The following ODAD3 variants were observed in gnomAD, a reference collection of about 807,000 sequenced individuals.
The protein encoded by ODAD3 is outer dynein arm-docking complex subunit 3.
A neutral mutation model predicts 70.9 loss-of-function variants in ODAD3; 57 were observed. The observed-to-expected ratio is 0.80, with a 90% CI of 0.65 to 1.00. The LOEUF (loss-of-function observed/expected upper bound fraction) is 1.00. Ranked by LOEUF, ODAD3 falls within the 50% of genes least tolerant of loss-of-function variation. ODAD3 has a pLI of 0.00. For synonymous variants in ODAD3, 327 were observed against 315.9 expected (o/e 1.04, Z -0.37); for missense variants, 797 against 763.9 (o/e 1.04, Z -0.51).
intron 7 of ODAD3, among the ~76,000 whole-genome samples, chr19:11,425,890 G>A (rs1472660154): frequency 2.0e-5 from 3 of 151,018 alleles, no homozygotes; most frequent in African/African-American, 7.3e-5. Flanking sequence ...GGGTAGGGGG[G>A]TCACTGAGTA....
Position 11,425,419 on chromosome 19 carries a change from G to A in ODAD3, c.963+725C>T, listed in dbSNP as rs1408079710. The stretch of plus-strand genomic sequence containing the variant: ...TGTATATGTATATATACATATATGT[G>A]TATATACACATATGTGTATATGTAT... On this transcript the variant is annotated intron_variant, in intron 7 of 12. Coordinates refer to ENST00000356392, the MANE Select transcript of ODAD3 (RefSeq NM_145045.5). 2.1e-5 allele frequency among the ~76,000 whole-genome samples: 3 copies of A among 141,486 alleles called. 1 individual carries two copies. The highest frequency in any genetic ancestry group is 4.3e-4 in the South Asian group (2 of 4,634). 92.8% of individuals were successfully genotyped at this position (141,486 alleles called of 152,430 possible).
At chr19:11,424,138 G>C (rs1487466779) in intron 7 of ODAD3, 109 bp from the exon 8 acceptor site, 1 of 1,341,622 alleles carries the variant, frequency 7.5e-7, no homozygotes, top group African/African-American at 1.4e-5. Context: ...GGCTCAAACT[G>C]GAGGGAAGGG....
chr19:11,435,448 G>C (rs17426435), upstream of ODAD3: 2 of 359,776 alleles, frequency 5.6e-6, no homozygotes, highest in Admixed American at 8.1e-5. Context: ...ATGGAGGTAC[G>C]CTGCGCCGCC....
rs1169020865 is a variant in ODAD3, at chr19:11,425,315, A to ATG, written c.963+827_963+828dup. 4.5e-5 allele frequency among the ~76,000 whole-genome samples: 6 copies of ATG among 134,480 alleles called. 1 individual carries two copies. The highest frequency in any genetic ancestry group is 2.9e-4 in the Admixed American group (4 of 13,910). The allele number at this position is 134,480 out of a possible 152,430, so 88.2% of individuals were successfully genotyped here. On this transcript the variant is annotated intron_variant, in intron 7 of 12. Coordinates refer to ENST00000356392, the MANE Select transcript of ODAD3 (RefSeq NM_145045.5). ...TGTGTATATATGTGTATGTGTACAT[A>ATG]TGTGTATATGTACATATGTGTATAT...
chr19:11,435,126 T>G, upstream of ODAD3: 1 of 1,470,886 alleles, frequency 6.8e-7, no homozygotes, highest in Non-Finnish European at 8.9e-7. Flanking sequence ...AAATGCACTT[T>G]CCGACCGCTA....
At chr19:11,425,404 TA>T (rs1451697772) in intron 7 of ODAD3, among the ~76,000 whole-genome samples, 1 of 124,832 alleles carries the variant, frequency 8.0e-6, no homozygotes, top group Non-Finnish European at 1.6e-5. Context: ...TGTATATGTA[TA>T]TATACATATA....
chr19:11,427,907 T>G (rs963687329), intron 3 of ODAD3, among the ~76,000 whole-genome samples: 1 of 151,346 alleles, frequency 6.6e-6, no homozygotes, highest in Non-Finnish European at 1.5e-5. Flanking sequence ...GAGACCATCC[T>G]GGCTAACACG....
At chr19:11,430,834 G>A in intron 2 of ODAD3, 58 bp from the exon 3 acceptor site, 1 of 1,613,884 alleles carries the variant, frequency 6.2e-7, no homozygotes. Context: ...AAGGCCAGGT[G>A]CTACCTACTT....
At chr19:11,432,884 C>T (rs1969532135) in intron 1 of ODAD3, among the ~76,000 whole-genome samples, 1 of 152,092 alleles carries the variant, frequency 6.6e-6, no homozygotes, top group South Asian at 2.1e-4. Context: ...ACCTCCACCT[C>T]CTGGGTTCAA....
At position 11,426,868 on chromosome 19, in the gene ODAD3, C is replaced by CCTACCTTGGCCACCTCCGTGTG; in HGVS notation, c.595_612+4dup. The stretch of plus-strand genomic sequence containing the variant: ...CTCTGCCCTGCAGGCCTCACCCGCC[C>CCTACCTTGGCCACCTCCGTGTG]CTACCTTGGCCACCTCCGTGTGTCT... On this transcript the variant is annotated splice_donor_region_variant and intron_variant, in intron 4 of 12. Coordinates refer to ENST00000356392, the MANE Select transcript of ODAD3 (RefSeq NM_145045.5). 2 of 1,610,010 alleles carry CCTACCTTGGCCACCTCCGTGTG rather than the reference C, an allele frequency of 1.2e-6. No individual in the cohort carries two copies. The highest frequency in any genetic ancestry group is 2.2e-5 in the South Asian group (2 of 90,874).
At chr19:11,432,840 C>T (rs1969531124) in intron 1 of ODAD3, among the ~76,000 whole-genome samples, 2 of 151,836 alleles carry the variant, frequency 1.3e-5, no homozygotes, top group Non-Finnish European at 2.9e-5. Context: ...GTCACCCAGG[C>T]TGGAGTGCAG....
rs200740350 is a variant in ODAD3, at chr19:11,425,609, GTA to G, written c.963+533_963+534del. Among the ~76,000 whole-genome samples, 22 of 128,972 alleles carry G rather than the reference GTA, an allele frequency of 1.7e-4. 2 individuals are homozygous for G. The highest frequency in any genetic ancestry group is 8.9e-4 in the African/African-American group (22 of 24,582). 84.6% of individuals were successfully genotyped at this position (128,972 alleles called of 152,430 possible). A position where few individuals can be genotyped will look rare whatever the true frequency, so the allele number is the denominator to read the frequency against. ...TATGTATATGTGTATATATGTGTGTGTATATATGCATATATGCATATATGTAT... is the reference window on the plus strand; with the variant it reads ...TATGTATATGTGTATATATGTGTGTGTATATGCATATATGCATATATGTAT... On this transcript the variant is annotated intron_variant, in intron 7 of 12. Transcript: ENST00000356392.
At position 11,426,141 on chromosome 19, in the gene ODAD3, C is replaced by G; in HGVS notation, c.963+3G>C. The G allele has an allele frequency of 6.2e-7, 1 of 1,606,754 alleles. No individual in the cohort carries two copies. Among genetic ancestry groups the G allele is most frequent in the Non-Finnish European group, 8.5e-7 (1 of 1,178,512 alleles). ...ACAGGCGCGCACCCCTGGGTGCGCC[C>G]ACCTTGCGCTCCATGCGCTCGTTCT... On this transcript the variant is annotated splice_donor_region_variant and intron_variant, in intron 7 of 12. Transcript: ENST00000356392.
intron 3 of ODAD3, among the ~76,000 whole-genome samples, chr19:11,430,006 G>A (rs536766246): frequency 5.3e-5 from 8 of 151,546 alleles, no homozygotes; most frequent in African/African-American, 1.7e-4. Flanking sequence ...CATTGTTTTC[G>A]TTTGTTTGTT....
In ODAD3 at chr19:11,434,973, G is replaced by A; in HGVS notation, c.44C>T (p.Pro15Leu). Residue 15 changes from proline (P) to leucine (L), a missense_variant, in exon 1 of 13, where the codon CCT becomes CTT. Coordinates refer to ENST00000356392, the MANE Select transcript of ODAD3 (RefSeq NM_145045.5). ...LCRAASANAL[P>L]PQDQASTPSS... ...GGGCGTCGAAGCCTGGTCCTGAGGAGGCAGGGCGTTGGCGGAGGCCGCCCT... is the reference window on the plus strand; with the variant it reads ...GGGCGTCGAAGCCTGGTCCTGAGGAAGCAGGGCGTTGGCGGAGGCCGCCCT... The A allele has an allele frequency of 6.2e-7, 1 of 1,613,532 alleles. No individual in the cohort carries two copies. Among genetic ancestry groups the A allele is most frequent in the East Asian group, 2.2e-5 (1 of 44,894 alleles).
In ODAD3 at chr19:11,422,945, T is replaced by G; in HGVS notation, c.1117-84A>C. 6.8e-7 allele frequency: 1 copy of G among 1,478,702 alleles called. No homozygotes were observed. Among genetic ancestry groups the G allele is most frequent in the South Asian group, 1.2e-5 (1 of 81,028 alleles). 91.6% of individuals were successfully genotyped at this position (1,478,702 alleles called of 1,614,324 possible). A position where few individuals can be genotyped will look rare whatever the true frequency, so the allele number is the denominator to read the frequency against. ...CTCCTCTCCCCCACCCTGCGAACCC[T>G]CGCACGCAGGACAGGTGGCCTGAGC... On this transcript the variant is annotated intron_variant, in intron 8 of 12. Transcript: ENST00000356392. This position sits in a 1 kb window ranked among gnomAD's most constrained non-coding sequence, Gnocchi z 4.6.
At chr19:11,427,335 C>A (rs1969404316) in intron 3 of ODAD3, among the ~76,000 whole-genome samples, 1 of 151,304 alleles carries the variant, frequency 6.6e-6, no homozygotes. Flanking sequence ...TGCTCTGACA[C>A]CCAGGCTGGA....
At chr19:11,426,357 G>A in intron 6 of ODAD3, 89 bp downstream of exon 6, 1 of 1,607,434 alleles carries the variant, frequency 6.2e-7, no homozygotes, top group South Asian at 1.1e-5. Flanking sequence ...CGGGGGCGTA[G>A]GGGAAGCTCA....
Position 11,430,927 on chromosome 19 carries a change from A to G in ODAD3, c.338T>C (p.Leu113Pro), listed in dbSNP as rs1212487845. The change falls in exon 2 of 13, where the codon CTG (leucine) becomes CCG (proline). Residue 113 changes from leucine to proline, a missense_variant. Leu to Pro is a moderately conservative substitution (Grantham distance 98, BLOSUM62 -3). Coordinates refer to ENST00000356392, the MANE Select transcript of ODAD3 (RefSeq NM_145045.5). ...ISQLRKETKA[L>P]ELKLLDLLKG... The stretch of plus-strand genomic sequence containing the variant: ...GAGCAGGTCCAGCAGCTTTAGTTCC[A>G]GTGCCTTAGTCTCCTTGCGGAGCTG... The G allele has an allele frequency of 2.5e-6, 4 of 1,613,960 alleles. No homozygotes were observed. Among genetic ancestry groups the G allele is most frequent in the Admixed American group, 1.7e-5 (1 of 59,974 alleles).
Sources: allele counts gnomAD v4.1 joint callset (sites outside exome capture counted in the v4.1 genomes callset), GRCh38; gene constraint gnomAD v4.1.1; non-coding constraint Gnocchi (gnomAD v3.1); transcripts MANE v1.5; gene names NCBI Gene and HGNC (gene_info 2026-07-23, HGNC 2026-07-21).